USP40: variants seen among roughly 807,000 people sequenced by gnomAD.
USP40 encodes the protein ubiquitin carboxyl-terminal hydrolase 40.
Under a neutral mutation model 166.2 loss-of-function variants are expected in USP40, and 143 were observed. The observed-to-expected ratio is 0.86, with a 90% CI of 0.75 to 0.99. The LOEUF is 0.99. Among genes scored for constraint, USP40 ranks in the 50% least tolerant of loss-of-function variants. The pLI, the probability that USP40 is intolerant of heterozygous loss-of-function variation, is 0.00. For synonymous variants in USP40, 498 were observed against 524.0 expected (o/e 0.95, Z 0.68); for missense variants, 1,444 against 1,479.7 (o/e 0.98, Z 0.40).
rs1434802476 is a variant in USP40, at chr2:233,477,512, A to G, written c.3600-9T>C. Reference sequence around the variant, plus strand: ...CATGGAGGGCTTCTTGGCTGCAGAGACACAGACACTGTCATTGACTCATGG... The same window carrying G: ...CATGGAGGGCTTCTTGGCTGCAGAGGCACAGACACTGTCATTGACTCATGG... On this transcript the variant is annotated splice_polypyrimidine_tract_variant and intron_variant, in intron 31 of 31. Coordinates refer to ENST00000678225, the MANE Select transcript of USP40 (RefSeq NM_001365479.2). The G allele has an allele frequency of 6.2e-7, 1 of 1,610,670 alleles. No homozygotes were observed. Among genetic ancestry groups the G allele is most frequent in the Non-Finnish European group, 8.5e-7 (1 of 1,178,124 alleles).
At chr2:233,489,002 A>G (rs1385196138) in intron 27 of USP40, among the ~76,000 whole-genome samples, 1 of 152,220 alleles carries the variant, frequency 6.6e-6, no homozygotes, top group Non-Finnish European at 1.5e-5. Context: ...TTTGCAAAGG[A>G]AATGACCCAA....
At chr2:233,505,950 C>T (rs1033669454) in intron 21 of USP40, among the ~76,000 whole-genome samples, 1 of 151,924 alleles carries the variant, frequency 6.6e-6, no homozygotes, top group African/African-American at 2.4e-5. Flanking sequence ...TTAACAAGCA[C>T]GTTAAAAAGA....
intron 20 of USP40, among the ~76,000 whole-genome samples, chr2:233,510,668 G>T (rs1005261417): frequency 6.6e-6 from 1 of 151,550 alleles, no homozygotes; most frequent in Non-Finnish European, 1.5e-5. Context: ...CCTCCCAAAG[G>T]GTTGGGATTA....
rs1034584064 is a variant in USP40 at position 233,480,529 on chromosome 2, T to G, written c.3599+674A>C. Among the ~76,000 whole-genome samples the G allele has an allele frequency of 7.9e-5, 12 of 152,340 alleles. No individual in the cohort carries two copies. The highest frequency in any genetic ancestry group is 5.2e-4 in the Admixed American group (8 of 15,302). ...GCCTGGAGGCCTGAAGACAGCCGGC[T>G]GGGCACAGAGCCTGTGGCTTGGCCT... On this transcript the variant is annotated intron_variant, in intron 31 of 31. Transcript: ENST00000678225. The surrounding 1 kb of genome is among the most constrained non-coding windows in gnomAD (Gnocchi z 4.5).
intron 21 of USP40, among the ~76,000 whole-genome samples, chr2:233,506,919 T>C (rs1178805660): frequency 1.3e-5 from 2 of 150,434 alleles, no homozygotes; most frequent in African/African-American, 4.9e-5. Context: ...AAAAAAAAAA[T>C]CTAACAAAGA....
chr2:233,559,498 T>G (rs994144652), intron 4 of USP40, among the ~76,000 whole-genome samples: 3 of 152,216 alleles, frequency 2.0e-5, no homozygotes, highest in Admixed American at 6.5e-5. Flanking sequence ...AATCTCCATG[T>G]AATCGGTGTT....
chr2:233,535,229 G>A (rs535810222), intron 10 of USP40, among the ~76,000 whole-genome samples: 1 of 152,304 alleles, frequency 6.6e-6, no homozygotes, highest in East Asian at 1.9e-4. Flanking sequence ...AGCTCAAAGA[G>A]CCCAGCAGAG....
At chr2:233,551,606 C>T in intron 6 of USP40, 87 bp from the exon 7 acceptor site, 1 of 1,270,042 alleles carries the variant, frequency 7.9e-7, no homozygotes, top group Non-Finnish European at 1.1e-6. Context: ...AAAAAACAAC[C>T]TATGACACAG....
intron 31 of USP40, among the ~76,000 whole-genome samples, chr2:233,479,443 G>A (rs2064398747): frequency 6.6e-6 from 1 of 151,962 alleles, no homozygotes; most frequent in African/African-American, 2.4e-5. Context: ...CACGCCTGTA[G>A]TACCAGCTAC....
chr2:233,539,142 T>TA (rs1350953737), intron 10 of USP40, among the ~76,000 whole-genome samples: 2 of 149,218 alleles, frequency 1.3e-5, no homozygotes, highest in Admixed American at 1.3e-4. Flanking sequence ...AACTTTTTTT[T>TA]AAAAAAATGA....
At chr2:233,550,100 G>A (rs1367815123) in intron 7 of USP40, among the ~76,000 whole-genome samples, 2 of 152,072 alleles carry the variant, frequency 1.3e-5, no homozygotes, top group Admixed American at 6.6e-5. Context: ...GTGCTCATCT[G>A]TGATGTTCAG....
In USP40 at chr2:233,549,203, T is replaced by A. The variant is rs377252042; in HGVS notation, c.864A>T (p.Ile288=). The change falls in exon 8 of 32, where the codon ATA becomes ATT. Residue 288 remains isoleucine, a synonymous_variant. Transcript: ENST00000678225. ...EQSELDDLEY[I]YDLFSVIIHK... ...GTATAATAACTGAGAAGAGGTCATA[T>A]ATATATTCTAAGTCATCCAATTCAC... 1.9e-5 allele frequency: 28 copies of A among 1,497,402 alleles called. No individual in the cohort carries two copies. Among genetic ancestry groups the A allele is most frequent in the Non-Finnish European group, 2.5e-5 (27 of 1,088,440 alleles). 92.8% of individuals were successfully genotyped at this position (1,497,402 alleles called of 1,614,324 possible). A position where few individuals can be genotyped will look rare whatever the true frequency, so the allele number is the denominator to read the frequency against.
In USP40 at chr2:233,509,096, G is replaced by A. The variant is rs552555234; in HGVS notation, c.2613+953C>T. Reference sequence around the variant, plus strand: ...TCCTGTTTGTAGAAAATGGTATTTGGCAGCCATAATCTGGGTGCCAGGGGT... The same window carrying A: ...TCCTGTTTGTAGAAAATGGTATTTGACAGCCATAATCTGGGTGCCAGGGGT... On this transcript the variant is annotated intron_variant, in intron 21 of 31. Coordinates refer to ENST00000678225, the MANE Select transcript of USP40 (RefSeq NM_001365479.2). 2.8e-3 allele frequency among the ~76,000 whole-genome samples: 429 copies of A among 152,226 alleles called. 1 individual carries two copies. The highest frequency in any genetic ancestry group is 1.0e-2 in the African/African-American group (415 of 41,504).
chr2:233,551,557 G>A (rs1369730632), intron 6 of USP40, 38 bp from the exon 7 acceptor site: 2 of 1,539,916 alleles, frequency 1.3e-6, no homozygotes, highest in African/African-American at 1.4e-5. Flanking sequence ...TTTAAAAACA[G>A]GGTTATATAA....
chr2:233,551,658 A>G, intron 6 of USP40, 139 bp from the exon 7 acceptor site: 2 of 819,776 alleles, frequency 2.4e-6, no homozygotes, highest in Non-Finnish European at 3.7e-6. Flanking sequence ...CATGGATTCA[A>G]CATAACTCGA....
chr2:233,523,573 GAAC>G, intron 15 of USP40, 84 bp from the exon 16 acceptor site: 1 of 1,255,398 alleles, frequency 8.0e-7, no homozygotes, highest in East Asian at 2.6e-5. Flanking sequence ...TACTCTTAGA[GAAC>G]AACCCTCATT....
chr2:233,483,482 C>T (rs2064758446), intron 30 of USP40, among the ~76,000 whole-genome samples: 1 of 152,002 alleles, frequency 6.6e-6, no homozygotes, highest in Non-Finnish European at 1.5e-5. Flanking sequence ...CGGAGTGAGA[C>T]CCCATCTCAA....
At chr2:233,529,616 C>T (rs1008186962) in intron 11 of USP40, 104 bp from the exon 12 acceptor site, 41 of 701,168 alleles carry the variant, frequency 5.8e-5, no homozygotes, top group Non-Finnish European at 8.4e-5. Flanking sequence ...GCTAGGAAAG[C>T]TGCTACTAAT....
chr2:233,554,675 G>C, intron 5 of USP40, 149 bp from the exon 6 acceptor site: 2 of 526,736 alleles, frequency 3.8e-6, no homozygotes, highest in Non-Finnish European at 5.9e-6. Context: ...ATGTTGTGAA[G>C]TTCATAACAC....
Sources: gnomAD v4.1 joint callset for allele counts (sites outside exome capture counted in the v4.1 genomes callset) on GRCh38, gnomAD v4.1.1 for gene constraint, Gnocchi (gnomAD v3.1) non-coding constraint, MANE v1.5 for transcripts, NCBI Gene and HGNC (gene_info 2026-07-23, HGNC 2026-07-21) for gene names.